Variants in CAST observed in about 807,000 individuals in gnomAD.
CAST encodes the protein calpastatin.
In CAST, 76 loss-of-function variants were observed where a neutral mutation model predicts 119.6. That is an observed-to-expected ratio of 0.64 (90% CI 0.53 to 0.77). CAST has a LOEUF of 0.77. Ranked by LOEUF, CAST falls within the 30% of genes least tolerant of loss-of-function variation. The pLI is 0.00. For synonymous variants in CAST, 319 were observed against 331.6 expected (o/e 0.96, Z 0.41); for missense variants, 953 against 946.5 (o/e 1.01, Z -0.09).
chr5:96,365,955 G>T, the CAST span, among the ~76,000 whole-genome samples: 1 of 152,190 alleles, frequency 6.6e-6, no homozygotes, highest in African/African-American at 2.4e-5. Flanking sequence ...TGTTTTTGCA[G>T]TGGCTGGTAC....
chr5:96,607,631 G>A (rs1441849279), intron 1 of CAST, among the ~76,000 whole-genome samples: 1 of 152,052 alleles, frequency 6.6e-6, no homozygotes, highest in Non-Finnish European at 1.5e-5. Flanking sequence ...TGTGCTTTTC[G>A]AGGGTGTCCT....
At chr5:96,655,404 A>C (rs1748145161) in intron 1 of CAST, among the ~76,000 whole-genome samples, 1 of 152,252 alleles carries the variant, frequency 6.6e-6, no homozygotes, top group African/African-American at 2.4e-5. Context: ...ACCCAGGCAA[A>C]GAGAAGCTTT....
At chr5:96,336,643 T>C in the CAST span, among the ~76,000 whole-genome samples, 2 of 152,258 alleles carry the variant, frequency 1.3e-5, no homozygotes, top group Non-Finnish European at 2.9e-5. Context: ...CTGCAGTTTC[T>C]TGTGAGGTTT....
upstream of CAST, among the ~76,000 whole-genome samples, chr5:96,521,582 T>C (rs1439031285): frequency 3.4e-5 from 5 of 148,874 alleles, no homozygotes; most frequent in South Asian, 2.1e-4. Context: ...TGTTCCCACA[T>C]AGTCACTTAG....
chr5:96,290,698 A>G, the CAST span, among the ~76,000 whole-genome samples: 1 of 152,154 alleles, frequency 6.6e-6, no homozygotes, highest in Admixed American at 6.5e-5. Flanking sequence ...TTATATCTGA[A>G]ATGGATGACA....
At chr5:96,181,609 C>T in the CAST span, among the ~76,000 whole-genome samples, 1 of 152,194 alleles carries the variant, frequency 6.6e-6, no homozygotes, top group African/African-American at 2.4e-5. Flanking sequence ...ATCACAGTAA[C>T]TCAGGGGTAG....
intron 16 of CAST, among the ~76,000 whole-genome samples, chr5:96,745,635 G>A (rs1187716392): frequency 6.6e-6 from 1 of 152,170 alleles, no homozygotes; most frequent in African/African-American, 2.4e-5. Context: ...CTACCCACCA[G>A]CAGGTTAAAT....
chr5:96,320,537 C>T, the CAST span, among the ~76,000 whole-genome samples: 13 of 152,108 alleles, frequency 8.5e-5, no homozygotes, highest in Non-Finnish European at 1.5e-4. Context: ...CGTGCCCGGT[C>T]GGCTTTTGCT....
the CAST span, among the ~76,000 whole-genome samples, chr5:96,090,045 CT>C: frequency 2.6e-5 from 4 of 152,028 alleles, no homozygotes; most frequent in African/African-American, 9.7e-5. Flanking sequence ...TTCCTTCCCC[CT>C]GGTAAAAGAG....
the CAST span, among the ~76,000 whole-genome samples, chr5:96,125,016 G>A: frequency 2.2e-3 from 336 of 152,130 alleles, no homozygotes; most frequent in African/African-American, 7.7e-3. Context: ...AGAGTAGCCC[G>A]ATTCTTAGAA....
intron 1 of CAST, among the ~76,000 whole-genome samples, chr5:96,596,527 G>T (rs1239783039): frequency 2.0e-5 from 3 of 152,258 alleles, no homozygotes; most frequent in African/African-American, 4.8e-5. Flanking sequence ...GTTGTAAATT[G>T]TTTCAGCAAA....
chr5:96,503,134 T>A, the CAST span, among the ~76,000 whole-genome samples: 1 of 152,224 alleles, frequency 6.6e-6, no homozygotes, highest in African/African-American at 2.4e-5. Context: ...TTTCAATCTT[T>A]TTAAATTAGA....
intron 1 of CAST, among the ~76,000 whole-genome samples, chr5:96,593,836 G>A (rs1747006417): frequency 6.6e-6 from 1 of 152,172 alleles, no homozygotes; most frequent in African/African-American, 2.4e-5. Flanking sequence ...TGACCACACT[G>A]GCACGCTGAT....
intron 1 of CAST, among the ~76,000 whole-genome samples, chr5:96,620,902 G>A (rs1273816901): frequency 6.6e-6 from 1 of 152,154 alleles, no homozygotes; most frequent in Non-Finnish European, 1.5e-5. Flanking sequence ...AAAGAAATTA[G>A]GTGATTTCAG....
intron 2 of CAST, among the ~76,000 whole-genome samples, chr5:96,688,029 G>A (rs547024223): frequency 1.3e-5 from 2 of 152,324 alleles, no homozygotes; most frequent in East Asian, 1.9e-4. Context: ...CTGCCTGCAT[G>A]TTAACCATAT....
chr5:96,467,187 C>T, the CAST span, among the ~76,000 whole-genome samples: 1 of 151,668 alleles, frequency 6.6e-6, no homozygotes, highest in East Asian at 1.9e-4. Flanking sequence ...GGTTTTGCCC[C>T]TTTGTCCCTC....
At chr5:96,522,272 C>A (rs1745531313), upstream of CAST, among the ~76,000 whole-genome samples, 1 of 152,204 alleles carries the variant, frequency 6.6e-6, no homozygotes, top group African/African-American at 2.4e-5. Flanking sequence ...GCTTTCTTGG[C>A]TAGCCACCCA....
intron 20 of CAST, 116 bp from the exon 21 acceptor site, chr5:96,753,944 A>T: frequency 3.1e-6 from 2 of 654,610 alleles, no homozygotes; most frequent in Non-Finnish European, 5.6e-6. Context: ...TCGAGTTATT[A>T]AAAGATAGCG....
At chr5:96,208,330 C>T in the CAST span, among the ~76,000 whole-genome samples, 1 of 151,210 alleles carries the variant, frequency 6.6e-6, no homozygotes, top group African/African-American at 2.4e-5. Context: ...TCTTTTAGTT[C>T]AGTTCTGATT....
Sources: allele counts gnomAD v4.1 joint callset (sites outside exome capture counted in the v4.1 genomes callset), GRCh38; gene constraint gnomAD v4.1.1; transcripts MANE v1.5; gene names NCBI Gene and HGNC (gene_info 2026-07-23, HGNC 2026-07-21).